The following HTR7 variants were observed in gnomAD, a reference collection of about 807,000 sequenced individuals.
HTR7 encodes 5-hydroxytryptamine receptor 7.
A neutral mutation model predicts 34.0 loss-of-function variants in HTR7; 16 were observed. That is an observed-to-expected ratio of 0.47 (90% CI 0.32 to 0.71). The LOEUF (loss-of-function observed/expected upper bound fraction) is 0.71, where lower values mean the gene tolerates loss of function less well. Ranked by LOEUF, HTR7 falls within the 30% of genes least tolerant of loss-of-function variation. The pLI is 0.04. For synonymous variants in HTR7, 265 were observed against 260.2 expected, an observed-to-expected ratio of 1.02 and a Z score of -0.18; for missense variants, 504 against 625.5, an observed-to-expected ratio of 0.81 and a Z score of 2.07.
intron 1 of HTR7, among the ~76,000 whole-genome samples, chr10:90,821,200 T>A (rs752417316): frequency 1.3e-5 from 2 of 151,810 alleles, no homozygotes; most frequent in Non-Finnish European, 2.9e-5. Context: ...TCACAGTGCC[T>A]GATTTTAACT....
intron 1 of HTR7, among the ~76,000 whole-genome samples, chr10:90,773,274 G>GA (rs1307110522): frequency 6.6e-6 from 1 of 151,970 alleles, no homozygotes; most frequent in African/African-American, 2.4e-5. Context: ...ATTAAGTCAA[G>GA]AAAAAATGCT....
At position 90,785,804 on chromosome 10, in the gene HTR7, G is replaced by A. The variant is rs528651872; in HGVS notation, c.540-36210C>T. Reference sequence around the variant, plus strand: ...AACAATTCTTACTCCTTCTCAGAACGCACCACAACACCTGATGACAAGAAT... The same window carrying A: ...AACAATTCTTACTCCTTCTCAGAACACACCACAACACCTGATGACAAGAAT... On this transcript the variant is annotated intron_variant, in intron 1 of 3. Transcript: ENST00000336152. 4.6e-5 allele frequency among the ~76,000 whole-genome samples: 7 copies of A among 152,128 alleles called. No individual in the cohort carries two copies. The South Asian group carries it at 6.2e-4, about 14-fold the overall frequency.
At chr10:90,833,198 G>A (rs58125266) in intron 1 of HTR7, among the ~76,000 whole-genome samples, 1 of 152,182 alleles carries the variant, frequency 6.6e-6, no homozygotes, top group South Asian at 2.1e-4. Flanking sequence ...ACCAAGGTCA[G>A]CCCCTACTCC....
At chr10:90,800,757 A>T (rs1246451943) in intron 1 of HTR7, among the ~76,000 whole-genome samples, 1 of 152,156 alleles carries the variant, frequency 6.6e-6, no homozygotes, top group African/African-American at 2.4e-5. Flanking sequence ...TTTCCCCTTT[A>T]TAAGGAAAAA....
At chr10:90,757,924 G>C (rs1373163457) in intron 1 of HTR7, among the ~76,000 whole-genome samples, 1 of 152,190 alleles carries the variant, frequency 6.6e-6, no homozygotes, top group Non-Finnish European at 1.5e-5. Context: ...CACTGAAGTA[G>C]AGGCTCAAAG....
At chr10:90,803,962 C>T (rs937575823) in intron 1 of HTR7, among the ~76,000 whole-genome samples, 4 of 152,122 alleles carry the variant, frequency 2.6e-5, no homozygotes, top group African/African-American at 7.2e-5. Flanking sequence ...ACCACCTGGG[C>T]CTGCTATGCC....
At chr10:90,852,246 AG>A (rs1204719162) in intron 1 of HTR7, among the ~76,000 whole-genome samples, 1 of 152,144 alleles carries the variant, frequency 6.6e-6, no homozygotes, top group African/African-American at 2.4e-5. Context: ...TAATGCTAAT[AG>A]GCATCTAACT....
chr10:90,829,742 C>CA (rs1846135506), intron 1 of HTR7, among the ~76,000 whole-genome samples: 1 of 152,002 alleles, frequency 6.6e-6, no homozygotes, highest in African/African-American at 2.4e-5. Context: ...ACACGCAAAA[C>CA]AAAAAACTAT....
At chr10:90,770,338 G>A (rs1003866760) in intron 1 of HTR7, among the ~76,000 whole-genome samples, 1 of 152,152 alleles carries the variant, frequency 6.6e-6, no homozygotes, top group Non-Finnish European at 1.5e-5. Flanking sequence ...GGGCACGGAG[G>A]GGCAGGCAGA....
At chr10:90,754,350 T>A (rs145553852) in intron 1 of HTR7, among the ~76,000 whole-genome samples, 1 of 152,000 alleles carries the variant, frequency 6.6e-6, no homozygotes, top group Non-Finnish European at 1.5e-5. Flanking sequence ...CATTCATTCT[T>A]CCAAACCTTG....
chr10:90,767,735 T>A (rs914028543), intron 1 of HTR7, among the ~76,000 whole-genome samples: 1 of 152,172 alleles, frequency 6.6e-6, no homozygotes, highest in Non-Finnish European at 1.5e-5. Context: ...GGCTGTAGGA[T>A]GCTTCACTCA....
chr10:90,746,656 C>G (rs1362906681), intron 2 of HTR7, among the ~76,000 whole-genome samples: 3 of 152,280 alleles, frequency 2.0e-5, no homozygotes, highest in African/African-American at 7.2e-5. Flanking sequence ...TATATGCCAA[C>G]AAAAATAGCC....
chr10:90,787,993 G>A (rs541336848), intron 1 of HTR7, among the ~76,000 whole-genome samples: 199 of 152,012 alleles, frequency 1.3e-3, no homozygotes, highest in Non-Finnish European at 1.1e-3. Context: ...TGTAGGGTCC[G>A]GTTCGTAAGT....
At chr10:90,748,442 T>C (rs1269004014) in intron 2 of HTR7, among the ~76,000 whole-genome samples, 1 of 152,198 alleles carries the variant, frequency 6.6e-6, no homozygotes, top group Non-Finnish European at 1.5e-5. Context: ...AAAAGAAGAA[T>C]TTATCTGTGA....
intron 1 of HTR7, among the ~76,000 whole-genome samples, chr10:90,783,318 CT>C (rs1845335480): frequency 6.6e-6 from 1 of 152,150 alleles, no homozygotes; most frequent in Non-Finnish European, 1.5e-5. Context: ...TTTTCCTCCC[CT>C]GGGTCATGTT....
At chr10:90,801,899 G>C (rs1845633193) in intron 1 of HTR7, among the ~76,000 whole-genome samples, 1 of 152,156 alleles carries the variant, frequency 6.6e-6, no homozygotes, top group Admixed American at 6.6e-5. Context: ...AGTGACTCTG[G>C]TGTATTTTTG....
Position 90,847,204 on chromosome 10 carries a change from C to A in HTR7, c.539+9929G>T, listed in dbSNP as rs528892862. Among the ~76,000 whole-genome samples the A allele has an allele frequency of 2.2e-3, 336 of 152,286 alleles. 1 individual carries two copies. Among genetic ancestry groups the A allele is most frequent in the Middle Eastern group, 0.01 (3 of 294 alleles). ...GTTCCTCCTACATCAAGTGGGGATA[C>A]TGATGCCCACCTCACAATGTTGTAG... On this transcript the variant is annotated intron_variant, in intron 1 of 3. Transcript: ENST00000336152.
At chr10:90,775,241 G>T (rs774674725) in intron 1 of HTR7, among the ~76,000 whole-genome samples, 32 of 152,184 alleles carry the variant, frequency 2.1e-4, no homozygotes, top group Non-Finnish European at 4.3e-4. Flanking sequence ...CGAGGCAATA[G>T]TGATAGGATG....
At chr10:90,822,615 T>C (rs1846002177) in intron 1 of HTR7, among the ~76,000 whole-genome samples, 1 of 152,204 alleles carries the variant, frequency 6.6e-6, no homozygotes, top group South Asian at 2.1e-4. Context: ...GAATTTGAGT[T>C]GGTTGCAGCA....
Sources: gnomAD v4.1 joint callset for allele counts (sites outside exome capture counted in the v4.1 genomes callset) on GRCh38, gnomAD v4.1.1 for gene constraint, MANE v1.5 for transcripts, NCBI Gene and HGNC (gene_info 2026-07-23, HGNC 2026-07-21) for gene names.